Variants in CHN1 observed in about 807,000 individuals in gnomAD.
The protein encoded by CHN1 is chimerin 1, also known as N-chimaerin.
CHN1 carries 37 observed loss-of-function variants against 59.5 expected under a neutral mutation model. That is an observed-to-expected ratio of 0.62 (90% CI 0.48 to 0.82). CHN1 has a LOEUF of 0.82. Ranked by LOEUF, CHN1 falls within the 40% of genes least tolerant of loss-of-function variation. The pLI is 0.00. For synonymous variants in CHN1, 206 were observed against 200.4 expected, an observed-to-expected ratio of 1.03 and a Z score of -0.24; for missense variants, 469 against 571.0, an observed-to-expected ratio of 0.82 and a Z score of 1.82.
intron 5 of CHN1, among the ~76,000 whole-genome samples, chr2:174,914,302 G>T (rs1688777232): frequency 6.6e-6 from 1 of 152,112 alleles, no homozygotes; most frequent in Admixed American, 6.5e-5. Flanking sequence ...TTGTTTCTGG[G>T]CACTGTACTG....
intron 1 of CHN1, among the ~76,000 whole-genome samples, chr2:174,955,163 T>C (rs1291759317): frequency 1.3e-5 from 1 of 77,552 alleles, no homozygotes. Context: ...TCTATGTCTA[T>C]ATATCTCTAT....
intron 7 of CHN1, among the ~76,000 whole-genome samples, chr2:174,844,553 A>ATGAT (rs1269340461): frequency 2.0e-5 from 3 of 152,224 alleles, no homozygotes; most frequent in African/African-American, 7.2e-5. Flanking sequence ...GGATACATGA[A>ATGAT]TGATTATCGT....
At chr2:174,810,208 G>C (rs768470617) in intron 10 of CHN1, among the ~76,000 whole-genome samples, 1 of 152,148 alleles carries the variant, frequency 6.6e-6, no homozygotes, top group Non-Finnish European at 1.5e-5. Context: ...ATATAGAACT[G>C]ATTTTAATGA....
intron 2 of CHN1, among the ~76,000 whole-genome samples, chr2:174,947,419 A>C (rs1228038475): frequency 6.6e-6 from 1 of 152,118 alleles, no homozygotes; most frequent in Non-Finnish European, 1.5e-5. Flanking sequence ...CTTTTAGACA[A>C]ATGCCTCCTG....
At chr2:174,844,934 A>G (rs574448986) in intron 7 of CHN1, among the ~76,000 whole-genome samples, 38 of 152,286 alleles carry the variant, frequency 2.5e-4, no homozygotes, top group Admixed American at 4.6e-4. Flanking sequence ...TCAGCTCCAG[A>G]GAAGGAAGAA....
intron 3 of CHN1, among the ~76,000 whole-genome samples, chr2:174,933,111 C>A (rs1689398879): frequency 6.6e-6 from 1 of 152,026 alleles, no homozygotes; most frequent in Admixed American, 6.5e-5. Flanking sequence ...TTTGAACAGG[C>A]TATTTCTGTT....
chr2:174,937,012 C>A (rs571883673), intron 3 of CHN1, among the ~76,000 whole-genome samples: 2 of 152,142 alleles, frequency 1.3e-5, no homozygotes, highest in South Asian at 2.1e-4. Flanking sequence ...TAGCAACTGG[C>A]AAGATTTTCT....
intron 5 of CHN1, among the ~76,000 whole-genome samples, chr2:174,894,545 T>C (rs1206131338): frequency 1.3e-5 from 2 of 151,984 alleles, no homozygotes; most frequent in South Asian, 4.1e-4. Context: ...TGAAAAACAC[T>C]ATGAAAAACA....
chr2:174,908,238 A>T (rs1446385904), intron 5 of CHN1, among the ~76,000 whole-genome samples: 1 of 152,224 alleles, frequency 6.6e-6, no homozygotes, highest in South Asian at 2.1e-4. Flanking sequence ...AACCCTTTAA[A>T]ATCTGTAAGG....
intron 6 of CHN1, among the ~76,000 whole-genome samples, chr2:174,855,012 C>T (rs1177418416): frequency 1.3e-5 from 2 of 152,148 alleles, no homozygotes; most frequent in African/African-American, 4.8e-5. Context: ...TCAAATCCTG[C>T]TTATAGGAAA....
At chr2:174,840,377 G>A (rs561687311) in intron 7 of CHN1, among the ~76,000 whole-genome samples, 1 of 151,950 alleles carries the variant, frequency 6.6e-6, no homozygotes, top group South Asian at 2.1e-4. Context: ...TGTTGCCCAG[G>A]CTGGTCTTAA....
chr2:174,845,748 A>G (rs1476272054), intron 7 of CHN1, among the ~76,000 whole-genome samples: 1 of 114,914 alleles, frequency 8.7e-6, no homozygotes, highest in East Asian at 2.9e-4. Context: ...ACAAAAACCT[A>G]TTCCTCACTA....
At chr2:174,820,131 G>A (rs200956645) in intron 8 of CHN1, among the ~76,000 whole-genome samples, 37 of 152,070 alleles carry the variant, frequency 2.4e-4, no homozygotes, top group East Asian at 7.7e-4. Flanking sequence ...ATAAACATAC[G>A]TGTGCATGTG....
intron 6 of CHN1, among the ~76,000 whole-genome samples, chr2:174,867,167 A>G (rs1479389509): frequency 6.6e-6 from 1 of 151,398 alleles, no homozygotes; most frequent in Non-Finnish European, 1.5e-5. Flanking sequence ...TGAACTCAGG[A>G]GTTGGAGACC....
At chr2:174,997,994 CAAAA>C (rs537594884) in intron 1 of CHN1, among the ~76,000 whole-genome samples, 2 of 74,924 alleles carry the variant, frequency 2.7e-5, no homozygotes, top group Non-Finnish European at 2.7e-5. Flanking sequence ...CTCGGGGGCG[CAAAA>C]AAAAAAAAAA....
chr2:174,958,341 G>C (rs1202964141), intron 1 of CHN1, among the ~76,000 whole-genome samples: 1 of 152,172 alleles, frequency 6.6e-6, no homozygotes, highest in East Asian at 1.9e-4. Flanking sequence ...GTAATGTTTA[G>C]TGAGTTCTGT....
rs1689042080 is a variant in CHN1, at chr2:174,922,435, A to G, written c.115-3870T>C. 2.6e-5 allele frequency among the ~76,000 whole-genome samples: 4 copies of G among 152,192 alleles called. No individual in the cohort carries two copies. The South Asian group carries it at 8.3e-4, about 32-fold the overall frequency. On this transcript the variant is annotated intron_variant, in intron 3 of 12. Transcript: ENST00000409900. ...GTCAGGCATGGTGGCTCATACCTGT[A>G]ATCCCAGCACTTTGAGAGACCAAGG...
chr2:174,844,500 G>A (rs988339866), intron 7 of CHN1, among the ~76,000 whole-genome samples: 2 of 152,168 alleles, frequency 1.3e-5, no homozygotes, highest in African/African-American at 4.8e-5. Context: ...TGGTGAGTGG[G>A]CCCGTGGTTA....
chr2:174,876,968 G>A (rs778409255), intron 6 of CHN1, among the ~76,000 whole-genome samples: 18 of 152,116 alleles, frequency 1.2e-4, no homozygotes, highest in Non-Finnish European at 5.9e-5. Flanking sequence ...CCGAGCTCAA[G>A]ACCTATTGCA....
Sources: gnomAD v4.1 joint callset for allele counts (sites outside exome capture counted in the v4.1 genomes callset) on GRCh38, gnomAD v4.1.1 for gene constraint, MANE v1.5 for transcripts, NCBI Gene and HGNC (gene_info 2026-07-23, HGNC 2026-07-21) for gene names.